ZNF697: variants seen among roughly 807,000 people sequenced by gnomAD.
ZNF697 encodes the protein zinc finger protein 697.
In ZNF697, 23 loss-of-function variants were observed where a neutral mutation model predicts 32.4. The ratio of observed to expected loss-of-function variants is 0.71; its 90% CI spans 0.51 to 1.01. The LOEUF (loss-of-function observed/expected upper bound fraction) is 1.01, where lower values mean the gene tolerates loss of function less well. ZNF697 is among the 50% of genes least tolerant of loss of function. The probability of loss-of-function intolerance (pLI) is 0.00; values close to 1 mark genes in which losing one functional copy is unlikely to be tolerated. For missense variants in ZNF697, 930 were observed against 794.0 expected (o/e 1.17, Z -2.06); for synonymous variants, 418 against 337.2 (o/e 1.24, Z -2.62).
chr1:119,640,470 T>G (rs926474573), intron 1 of ZNF697, among the ~76,000 whole-genome samples: 1 of 152,210 alleles, frequency 6.6e-6, no homozygotes, highest in African/African-American at 2.4e-5. Context: ...GCAATTAGCC[T>G]CAAAAGTTAG....
At chr1:119,629,846 C>A (rs1648709946) in intron 1 of ZNF697, among the ~76,000 whole-genome samples, 1 of 152,208 alleles carries the variant, frequency 6.6e-6, no homozygotes, top group African/African-American at 2.4e-5. Context: ...AACAACTCAC[C>A]ATGTGGATAC....
Position 119,623,032 on chromosome 1 carries a change from G to T in ZNF697, c.1311C>A (p.Tyr437Ter). The change falls in exon 3 of 3, where the codon TAC becomes TAA. Residue 437 changes from tyrosine to a stop codon, truncating the protein, a stop_gained. Coordinates refer to ENST00000421812, the MANE Select transcript of ZNF697 (RefSeq NM_001080470.2). LOFTEE classifies it high-confidence loss of function. ...AGCCCTTCCCGCACTCGCGGCACAC[G>T]TAGGGCCGCTCACCCGAGTGCGTGC... Reference protein sequence around the residue: ...HKRTHSGERPYVCRECGKGFG... With the variant: ...HKRTHSGERP 6.3e-7 allele frequency: 1 copy of T among 1,592,052 alleles called. No individual in the cohort carries two copies.
At chr1:119,637,649 C>T (rs1310889254) in intron 1 of ZNF697, among the ~76,000 whole-genome samples, 1 of 152,132 alleles carries the variant, frequency 6.6e-6, no homozygotes, top group Non-Finnish European at 1.5e-5. Context: ...TTCTTCCTGA[C>T]TCCTGATAAT....
intron 1 of ZNF697, among the ~76,000 whole-genome samples, chr1:119,643,631 C>T (rs1422274608): frequency 6.6e-6 from 1 of 152,118 alleles, no homozygotes; most frequent in African/African-American, 2.4e-5. Context: ...CCTTCCTCTC[C>T]CCAGCCTTCT....
intron 1 of ZNF697, among the ~76,000 whole-genome samples, chr1:119,645,568 G>T (rs1434995070): frequency 1.3e-5 from 2 of 152,202 alleles, no homozygotes; most frequent in Non-Finnish European, 2.9e-5. Flanking sequence ...GGAGGTAGAA[G>T]AATGTCTGTT....
intron 1 of ZNF697, among the ~76,000 whole-genome samples, chr1:119,640,667 C>G (rs1307881648): frequency 6.6e-6 from 1 of 152,214 alleles, no homozygotes; most frequent in Non-Finnish European, 1.5e-5. Context: ...GACTGTCCCA[C>G]TATGACAGGA....
rs144556225 is a variant in ZNF697, at chr1:119,638,889, A to C, written c.-38+8802T>G. ...GAAAAGCACATGCGAAGGAGTCAAC[A>C]GCACGGGTTAAAGTAGAAGTCTGCC... On this transcript the variant is annotated intron_variant, in intron 1 of 2. Coordinates refer to ENST00000421812, the MANE Select transcript of ZNF697 (RefSeq NM_001080470.2). Among the ~76,000 whole-genome samples, 151 of 152,324 alleles carry C rather than the reference A, an allele frequency of 9.9e-4. 1 individual carries two copies. Among genetic ancestry groups the C allele is most frequent in the East Asian group, 8.5e-3 (44 of 5,184 alleles).
chr1:119,643,610 TG>T (rs1649135412), intron 1 of ZNF697, among the ~76,000 whole-genome samples: 1 of 152,154 alleles, frequency 6.6e-6, no homozygotes, highest in Non-Finnish European at 1.5e-5. Context: ...GAAAACAGAA[TG>T]AATTATCTTC....
At chr1:119,632,790 G>A (rs1466660245) in intron 1 of ZNF697, among the ~76,000 whole-genome samples, 1 of 152,206 alleles carries the variant, frequency 6.6e-6, no homozygotes, top group African/African-American at 2.4e-5. Flanking sequence ...GCCCTCAGCT[G>A]AGAAGTCACA....
rs374775680 is a variant in ZNF697, at chr1:119,622,961, C to T, written c.1382G>A (p.Gly461Asp). 7 of 1,602,822 alleles carry T rather than the reference C, an allele frequency of 4.4e-6. No individual in the cohort carries two copies. Among genetic ancestry groups the T allele is most frequent in the Non-Finnish European group, 6.0e-6 (7 of 1,173,732 alleles). ...CTGGCCACAGCGGAAGGGCTTCTCG[C>T]CGGTGTGCACGCGCAGGTGGTTCAC... The part of the protein sequence containing the change: ...HLVNHLRVHT[G>D]EKPFRCGQCE... The change falls in exon 3 of 3, where the codon GGC (glycine) becomes GAC (aspartate). Residue 461 changes from glycine (G) to aspartate (D), a missense_variant. Coordinates refer to ENST00000421812, the MANE Select transcript of ZNF697 (RefSeq NM_001080470.2).
chr1:119,625,430 C>A (rs1648549621), intron 2 of ZNF697, among the ~76,000 whole-genome samples: 1 of 152,162 alleles, frequency 6.6e-6, no homozygotes, highest in East Asian at 1.9e-4. Flanking sequence ...AGGTCACTTA[C>A]CAGTGAGATG....
rs1261350845 is a variant in ZNF697, at chr1:119,622,050, A to T, written c.*655T>A. The T allele has an allele frequency of 6.5e-6, 1 of 152,674 alleles. No individual in the cohort carries two copies. The highest frequency in any genetic ancestry group is 2.1e-4 in the South Asian group (1 of 4,832). 9.5% of individuals were successfully genotyped at this position (152,674 alleles called of 1,614,324 possible). On this transcript the variant is annotated 3_prime_UTR_variant, in exon 3 of 3. Transcript: ENST00000421812. Reference sequence around the variant, plus strand: ...GATTTCCCACATCAGAGAACCAGTTATAAATGAATTTCTAAACCCCAGACA... The same window carrying T: ...GATTTCCCACATCAGAGAACCAGTTTTAAATGAATTTCTAAACCCCAGACA...
At chr1:119,625,851 T>C (rs765741357) in intron 2 of ZNF697, 24 bp downstream of exon 2, 22 of 1,611,466 alleles carry the variant, frequency 1.4e-5, no homozygotes, top group Non-Finnish European at 1.9e-5. Flanking sequence ...GCAACTTGCA[T>C]AGAAATCCCA....
At chr1:119,624,601 C>T (rs587723867) in intron 2 of ZNF697, among the ~76,000 whole-genome samples, 3 of 152,276 alleles carry the variant, frequency 2.0e-5, no homozygotes, top group East Asian at 3.9e-4. Flanking sequence ...TTCTTTTTCT[C>T]TTTTTATTTT....
rs587684258 is a variant in ZNF697 at position 119,644,254 on chromosome 1, G to T, written c.-38+3437C>A. Among the ~76,000 whole-genome samples the T allele has an allele frequency of 5.9e-5, 9 of 152,302 alleles. No homozygotes were observed. The East Asian group carries it at 1.7e-3, about 29-fold the overall frequency. On this transcript the variant is annotated intron_variant, in intron 1 of 2. Transcript: ENST00000421812. The stretch of plus-strand genomic sequence containing the variant: ...AATTCAGACAGACTGGGAGAAAAAA[G>T]AAAAGAATTCCAAACACACACAGTT...
chr1:119,640,376 C>G (rs1171961173), intron 1 of ZNF697, among the ~76,000 whole-genome samples: 1 of 152,194 alleles, frequency 6.6e-6, no homozygotes, highest in Non-Finnish European at 1.5e-5. Flanking sequence ...ACCTAACTCT[C>G]CCAACTGGAT....
chr1:119,633,399 G>GTGT (rs1557939125), intron 1 of ZNF697, among the ~76,000 whole-genome samples: 59 of 148,096 alleles, frequency 4.0e-4, no homozygotes, highest in African/African-American at 1.2e-3. Flanking sequence ...TGTGTATAGA[G>GTGT]AGAGAGAGAG....
At chr1:119,642,387 T>C (rs1457534264) in intron 1 of ZNF697, among the ~76,000 whole-genome samples, 1 of 152,214 alleles carries the variant, frequency 6.6e-6, no homozygotes, top group East Asian at 1.9e-4. Context: ...GATGTATCAA[T>C]ATAGGTTCAT....
chr1:119,631,581 A>AGCCCCCGCTTG, intron 1 of ZNF697, among the ~76,000 whole-genome samples: 1 of 151,542 alleles, frequency 6.6e-6, no homozygotes, highest in Non-Finnish European at 1.5e-5. Flanking sequence ...GATCACTCCC[A>AGCCCCCGCTTG]GCCCCCGCTT....
Sources: allele counts gnomAD v4.1 joint callset (sites outside exome capture counted in the v4.1 genomes callset), GRCh38; gene constraint gnomAD v4.1.1; transcripts MANE v1.5; gene names NCBI Gene and HGNC (gene_info 2026-07-23, HGNC 2026-07-21).